TMEM123: variants seen among roughly 807,000 people sequenced by gnomAD.
TMEM123 encodes the protein porimin.
A neutral mutation model predicts 19.7 loss-of-function variants in TMEM123; 16 were observed. That is an observed-to-expected ratio of 0.81 (90% CI 0.55 to 1.23). The LOEUF (loss-of-function observed/expected upper bound fraction) is 1.23. TMEM123 is among the 50% of genes most tolerant of loss of function. The pLI is 0.00. For missense variants in TMEM123, 313 were observed against 257.8 expected (o/e 1.21, Z -1.47); for synonymous variants, 118 against 99.4 (o/e 1.19, Z -1.12).
At chr11:102,400,296 T>C (rs1481322583) in intron 4 of TMEM123, among the ~76,000 whole-genome samples, 1 of 152,228 alleles carries the variant, frequency 6.6e-6, no homozygotes, top group African/African-American at 2.4e-5. Context: ...ATTTATTCAT[T>C]CAACAAGTAT....
rs932404409 is a variant in TMEM123 at position 102,398,203 on chromosome 11, G to A, written c.*664C>T. On this transcript the variant is annotated 3_prime_UTR_variant, in exon 5 of 5. Coordinates refer to ENST00000398136, the MANE Select transcript of TMEM123 (RefSeq NM_052932.3). Reference sequence around the variant, plus strand: ...TTACATCAACATTGAAAGCTCAAAAGAAGTTAATAAAAATATGTGCTCCTT... The same window carrying A: ...TTACATCAACATTGAAAGCTCAAAAAAAGTTAATAAAAATATGTGCTCCTT... 1 of 168,936 alleles carries A rather than the reference G, an allele frequency of 5.9e-6. No homozygotes were observed. The highest frequency in any genetic ancestry group is 2.4e-5 in the African/African-American group (1 of 42,266). 10.5% of individuals were successfully genotyped at this position (168,936 alleles called of 1,614,324 possible).
intron 2 of TMEM123, among the ~76,000 whole-genome samples, chr11:102,416,819 C>A (rs1478942671): frequency 2.0e-5 from 3 of 152,114 alleles, no homozygotes; most frequent in African/African-American, 2.4e-5. Flanking sequence ...AGGCTTTATT[C>A]TTGGGATGCA....
At chr11:102,422,788 C>T (rs1952097569) in intron 2 of TMEM123, among the ~76,000 whole-genome samples, 1 of 152,136 alleles carries the variant, frequency 6.6e-6, no homozygotes, top group Non-Finnish European at 1.5e-5. Context: ...ACATCTTTAG[C>T]TCTATTTCAT....
intron 1 of TMEM123, among the ~76,000 whole-genome samples, chr11:102,451,995 G>A (rs1044765022): frequency 1.3e-5 from 2 of 152,338 alleles, no homozygotes; most frequent in African/African-American, 2.4e-5. Flanking sequence ...CAAGAGCCCC[G>A]AAGTCTAACT....
intron 2 of TMEM123, among the ~76,000 whole-genome samples, chr11:102,403,465 G>A (rs991962348): frequency 2.6e-5 from 4 of 152,022 alleles, no homozygotes; most frequent in Admixed American, 1.3e-4. Context: ...TTTAACTAAC[G>A]TTTACAACTA....
chr11:102,418,178 A>G (rs1414168497), intron 2 of TMEM123, among the ~76,000 whole-genome samples: 4 of 152,176 alleles, frequency 2.6e-5, no homozygotes, highest in Non-Finnish European at 5.9e-5. Context: ...AACAAAAGCT[A>G]AAGTTGAAAA....
intron 2 of TMEM123, among the ~76,000 whole-genome samples, chr11:102,441,891 TAC>T (rs1324928171): frequency 6.6e-6 from 1 of 152,080 alleles, no homozygotes; most frequent in African/African-American, 2.4e-5. Context: ...CCCACAGAAA[TAC>T]AAACTACCAT....
At chr11:102,433,223 C>T (rs568368457) in intron 2 of TMEM123, among the ~76,000 whole-genome samples, 94 of 152,062 alleles carry the variant, frequency 6.2e-4, no homozygotes, top group African/African-American at 1.9e-3. Flanking sequence ...AGACACTCAA[C>T]GCCAGCTAGT....
At chr11:102,438,945 G>T (rs1267900897) in intron 2 of TMEM123, among the ~76,000 whole-genome samples, 1 of 152,212 alleles carries the variant, frequency 6.6e-6, no homozygotes, top group Non-Finnish European at 1.5e-5. Context: ...ACTGTATCCT[G>T]CACGTGGCTC....
chr11:102,411,547 C>A (rs1952004760), intron 2 of TMEM123, among the ~76,000 whole-genome samples: 1 of 152,122 alleles, frequency 6.6e-6, no homozygotes, highest in South Asian at 2.1e-4. Context: ...CAATTAGCAT[C>A]TAAACTGAGG....
At position 102,401,648 on chromosome 11, in the gene TMEM123, C is replaced by T; in HGVS notation, c.493G>A (p.Asp165Asn). ...HSEAKKGSKFDTGSFVGGIVL... is the reference protein window; with the variant it reads ...HSEAKKGSKFNTGSFVGGIVL... ...ATACCACCAACAAAGCTCCCAGTATCAAATTTTGATCCTTTCTTTGCTTCA... is the reference window on the plus strand; with the variant it reads ...ATACCACCAACAAAGCTCCCAGTATTAAATTTTGATCCTTTCTTTGCTTCA... The change falls in exon 4 of 5, where the codon GAT becomes AAT. Residue 165 changes from aspartate to asparagine, a missense_variant. Physicochemically the swap from Asp to Asn is conservative, Grantham distance 23. Coordinates refer to ENST00000398136, the MANE Select transcript of TMEM123 (RefSeq NM_052932.3). 1 of 1,607,254 alleles carries T rather than the reference C, an allele frequency of 6.2e-7. No homozygotes were observed. The highest frequency in any genetic ancestry group is 8.5e-7 in the Non-Finnish European group (1 of 1,178,502).
Position 102,398,200 on chromosome 11 carries a change from A to G in TMEM123, c.*667T>C, listed in dbSNP as rs181498331. 2.8e-4 allele frequency: 47 copies of G among 167,548 alleles called. No homozygotes were observed. The highest frequency in any genetic ancestry group is 1.8e-3 in the Admixed American group (29 of 15,706). The allele number at this position is 167,548 out of a possible 1,614,324, so 10.4% of individuals were successfully genotyped here. ...AAATTACATCAACATTGAAAGCTCA[A>G]AAGAAGTTAATAAAAATATGTGCTC... On this transcript the variant is annotated 3_prime_UTR_variant, in exon 5 of 5. Coordinates refer to ENST00000398136, the MANE Select transcript of TMEM123 (RefSeq NM_052932.3).
chr11:102,444,088 C>G (rs181648010), intron 2 of TMEM123, among the ~76,000 whole-genome samples: 27 of 152,304 alleles, frequency 1.8e-4, no homozygotes, highest in Admixed American at 1.8e-3. Flanking sequence ...AACACTTTTA[C>G]GCTGTTGGTG....
chr11:102,444,793 G>T (rs1242753414), intron 2 of TMEM123, among the ~76,000 whole-genome samples: 1 of 151,840 alleles, frequency 6.6e-6, no homozygotes, highest in Non-Finnish European at 1.5e-5. Context: ...TGATAGACTG[G>T]ATTAAGAAAA....
intron 2 of TMEM123, among the ~76,000 whole-genome samples, chr11:102,413,258 G>A (rs758564838): frequency 6.6e-6 from 1 of 152,136 alleles, no homozygotes; most frequent in Non-Finnish European, 1.5e-5. Context: ...TTCTATTAAG[G>A]TATGTGTTAA....
chr11:102,445,615 A>G (rs1036433910), intron 2 of TMEM123, among the ~76,000 whole-genome samples: 6 of 152,238 alleles, frequency 3.9e-5, no homozygotes, highest in African/African-American at 1.4e-4. Flanking sequence ...TAAGACTTTC[A>G]TTGTTGCAAT....
At chr11:102,409,617 A>G (rs1951985674) in intron 2 of TMEM123, among the ~76,000 whole-genome samples, 1 of 152,190 alleles carries the variant, frequency 6.6e-6, no homozygotes, top group Non-Finnish European at 1.5e-5. Context: ...CTGTAATCCC[A>G]GCACTTTGGG....
intron 2 of TMEM123, among the ~76,000 whole-genome samples, chr11:102,418,903 C>T (rs921846892): frequency 1.3e-5 from 2 of 152,150 alleles, no homozygotes; most frequent in African/African-American, 4.8e-5. Flanking sequence ...CAAATTAACA[C>T]AGAAACAGAA....
At chr11:102,400,704 T>TA (rs568698027) in intron 4 of TMEM123, among the ~76,000 whole-genome samples, 92 of 152,206 alleles carry the variant, frequency 6.0e-4, no homozygotes, top group Non-Finnish European at 9.7e-4. Flanking sequence ...TTAATACCCT[T>TA]ACAATTAGAG....
Sources: allele counts gnomAD v4.1 joint callset (sites outside exome capture counted in the v4.1 genomes callset), GRCh38; gene constraint gnomAD v4.1.1; transcripts MANE v1.5; gene names NCBI Gene and HGNC (gene_info 2026-07-23, HGNC 2026-07-21).